Variants in COL23A1 observed in about 807,000 individuals in gnomAD.
The protein encoded by COL23A1 is collagen alpha-1(XXIII) chain.
Under a neutral mutation model 99.3 loss-of-function variants are expected in COL23A1, and 97 were observed. That is an observed-to-expected ratio of 0.98 (90% CI 0.83 to 1.16). The LOEUF is 1.16. COL23A1 is among the 50% of genes most tolerant of loss of function. The pLI is 0.00. For synonymous variants in COL23A1, 320 were observed against 308.2 expected, an observed-to-expected ratio of 1.04 and a Z score of -0.40; for missense variants, 762 against 757.4, an observed-to-expected ratio of 1.01 and a Z score of -0.07.
intron 2 of COL23A1, among the ~76,000 whole-genome samples, chr5:178,470,266 T>C (rs895544688): frequency 6.6e-6 from 1 of 152,212 alleles, no homozygotes; most frequent in East Asian, 1.9e-4. Context: ...CCTGGTCCGC[T>C]ACCGTGAGCT....
At chr5:178,412,280 G>C (rs1272017155) in intron 2 of COL23A1, among the ~76,000 whole-genome samples, 1 of 152,170 alleles carries the variant, frequency 6.6e-6, no homozygotes, top group East Asian at 1.9e-4. Context: ...GTGTGAGTTT[G>C]TGGAGCATGG....
At chr5:178,390,446 C>A (rs1177463368) in intron 2 of COL23A1, among the ~76,000 whole-genome samples, 1 of 152,228 alleles carries the variant, frequency 6.6e-6, no homozygotes, top group Admixed American at 6.5e-5. Flanking sequence ...CCAAGCCCCT[C>A]TAACCAGCTG....
In COL23A1 at chr5:178,352,776, T is replaced by G. The variant is rs1246169374; in HGVS notation, c.362-45857A>C. Among the ~76,000 whole-genome samples, 3 of 152,324 alleles carry G rather than the reference T, an allele frequency of 2.0e-5. No homozygotes were observed. In the East Asian group the frequency reaches 5.8e-4, roughly 29 times the overall value. On this transcript the variant is annotated intron_variant, in intron 2 of 28. Transcript: ENST00000390654. ...AGGTACAAGATGAGATAAACATAACTGCCCCCCAGGGCTGCTGAGAGGGGA... is the reference window on the plus strand; with the variant it reads ...AGGTACAAGATGAGATAAACATAACGGCCCCCCAGGGCTGCTGAGAGGGGA...
At chr5:178,566,738 C>T (rs1345440968) in intron 1 of COL23A1, among the ~76,000 whole-genome samples, 2 of 152,054 alleles carry the variant, frequency 1.3e-5, no homozygotes, top group Non-Finnish European at 2.9e-5. Flanking sequence ...ATCACTTGAA[C>T]CCGGGAGGCG....
At chr5:178,291,235 C>T (rs1395940915) in intron 3 of COL23A1, among the ~76,000 whole-genome samples, 2 of 152,188 alleles carry the variant, frequency 1.3e-5, no homozygotes, top group Non-Finnish European at 2.9e-5. Context: ...GGAGGCAGCA[C>T]CCGGCAGTCA....
At position 178,589,836 on chromosome 5, in the gene COL23A1, T is replaced by C; in HGVS notation, c.294+68A>G. 1 of 1,226,010 alleles carries C rather than the reference T, an allele frequency of 8.2e-7. No individual in the cohort carries two copies. Among genetic ancestry groups the C allele is most frequent in the South Asian group, 3.0e-5 (1 of 33,026 alleles). The allele number at this position is 1,226,010 out of a possible 1,614,324, so 75.9% of individuals were successfully genotyped here. On this transcript the variant is annotated intron_variant, in intron 1 of 28. Coordinates refer to ENST00000390654, the MANE Select transcript of COL23A1 (RefSeq NM_173465.4). The surrounding 1 kb of genome is among the most constrained non-coding windows in gnomAD (Gnocchi z 5.4). ...CAGAGACCTGCACGCTGCCCCCGGC[T>C]CCCAGCGTACCGCCACCCTCAACCC...
intron 2 of COL23A1, among the ~76,000 whole-genome samples, chr5:178,349,647 T>C (rs1426061561): frequency 6.6e-6 from 1 of 152,138 alleles, no homozygotes; most frequent in Non-Finnish European, 1.5e-5. Flanking sequence ...TTTTTTTGTC[T>C]TCTGTCTCCC....
At chr5:178,290,048 C>T (rs1237985860) in intron 4 of COL23A1, among the ~76,000 whole-genome samples, 2 of 152,068 alleles carry the variant, frequency 1.3e-5, no homozygotes, top group East Asian at 1.9e-4. Context: ...TTTCGTGCCT[C>T]GATTTCCTGA....
intron 2 of COL23A1, among the ~76,000 whole-genome samples, chr5:178,527,486 C>T (rs756673028): frequency 1.3e-5 from 2 of 152,250 alleles, no homozygotes; most frequent in East Asian, 1.9e-4. Context: ...TCTAAGAGAA[C>T]GTCTCCTGCT....
At chr5:178,585,411 T>A (rs1313603152) in intron 1 of COL23A1, among the ~76,000 whole-genome samples, 1 of 149,866 alleles carries the variant, frequency 6.7e-6, no homozygotes, top group Admixed American at 6.6e-5. Flanking sequence ...GATGTGTGGG[T>A]AACACTCCAC....
intron 2 of COL23A1, among the ~76,000 whole-genome samples, chr5:178,455,664 T>A (rs1346681082): frequency 6.6e-6 from 1 of 152,150 alleles, no homozygotes; most frequent in Non-Finnish European, 1.5e-5. Context: ...CTTCTGTGTG[T>A]TTCCTCTCTG....
chr5:178,517,560 T>TTG (rs1759595665), intron 2 of COL23A1, among the ~76,000 whole-genome samples: 1 of 124,692 alleles, frequency 8.0e-6, no homozygotes, highest in Non-Finnish European at 1.7e-5. Flanking sequence ...GACAGCAGTT[T>TTG]TTTTTTTGTT....
chr5:178,455,279 G>A (rs1041767043), intron 2 of COL23A1, among the ~76,000 whole-genome samples: 3 of 152,140 alleles, frequency 2.0e-5, no homozygotes, highest in South Asian at 2.1e-4. Flanking sequence ...CCGTGGGCCC[G>A]CCCTAAACCT....
intron 12 of COL23A1, 132 bp downstream of exon 12, chr5:178,259,589 G>C: frequency 2.3e-6 from 2 of 854,802 alleles, no homozygotes; most frequent in Non-Finnish European, 3.5e-6. Context: ...TGGAGAGAAG[G>C]CCGCCTTCCC....
intron 5 of COL23A1, among the ~76,000 whole-genome samples, chr5:178,278,292 G>A (rs1756702731): frequency 6.6e-6 from 1 of 152,004 alleles, no homozygotes; most frequent in South Asian, 2.1e-4. Flanking sequence ...TGGTTTCCCA[G>A]CCTCCCTGAG....
chr5:178,505,577 C>A (rs1229897386), intron 2 of COL23A1, among the ~76,000 whole-genome samples: 2 of 152,060 alleles, frequency 1.3e-5, no homozygotes, highest in Non-Finnish European at 2.9e-5. Flanking sequence ...CATGAGGCCA[C>A]GGTTATATTG....
rs1561998075 is a variant in COL23A1 at position 178,468,388 on chromosome 5, G to C, written c.361+92294C>G. Among the ~76,000 whole-genome samples, 1 of 152,198 alleles carries C rather than the reference G, an allele frequency of 6.6e-6. No individual in the cohort carries two copies. Among genetic ancestry groups the C allele is most frequent in the African/African-American group, 2.4e-5 (1 of 41,434 alleles). ...CCAGCACGTGGGTCAAAGGGCGATG[G>C]ACTGGGCTAGGGGTCAGTGTGATGA... On this transcript the variant is annotated intron_variant, in intron 2 of 28. Coordinates refer to ENST00000390654, the MANE Select transcript of COL23A1 (RefSeq NM_173465.4). The surrounding 1 kb of genome is among the most constrained non-coding windows in gnomAD (Gnocchi z 4.2).
In COL23A1 at chr5:178,390,059, T is replaced by G. The variant is rs184394920; in HGVS notation, c.362-83140A>C. On this transcript the variant is annotated intron_variant, in intron 2 of 28. Transcript: ENST00000390654. ...ACGGATCTGTGGGATCCAAGCCACA[T>G]CTGCTGAGGCTTTGAGAAAGTTCTG... 1.1e-4 allele frequency among the ~76,000 whole-genome samples: 17 copies of G among 152,284 alleles called. No individual in the cohort carries two copies. In the East Asian group the frequency reaches 3.3e-3, roughly 29 times the overall value.
chr5:178,242,196 G>A (rs1399309058), intron 26 of COL23A1, 68 bp from the exon 27 acceptor site: 11 of 1,485,374 alleles, frequency 7.4e-6, no homozygotes, highest in Non-Finnish European at 1.0e-5. Flanking sequence ...ACATCTCTCC[G>A]AGAGAAGCGC....
Sources: gnomAD v4.1 joint callset for allele counts (sites outside exome capture counted in the v4.1 genomes callset) on GRCh38, gnomAD v4.1.1 for gene constraint, Gnocchi (gnomAD v3.1) non-coding constraint, MANE v1.5 for transcripts, NCBI Gene and HGNC (gene_info 2026-07-23, HGNC 2026-07-21) for gene names.